The following EPB41L2 variants were observed in gnomAD, a reference collection of about 807,000 sequenced individuals.
EPB41L2 encodes erythrocyte membrane protein band 4.1 like 2, also known as band 4.1-like protein 2.
A neutral mutation model predicts 113.0 loss-of-function variants in EPB41L2; 43 were observed. That is an observed-to-expected ratio of 0.38 (90% CI 0.30 to 0.49). The LOEUF is 0.49. EPB41L2 is among the 20% of genes least tolerant of loss of function. EPB41L2 has a pLI of 0.95. For missense variants in EPB41L2, 1,147 were observed against 1,223.4 expected (o/e 0.94, Z 0.93); for synonymous variants, 442 against 436.7 (o/e 1.01, Z -0.15).
chr6:130,929,536 T>A (rs917380500), intron 3 of EPB41L2, among the ~76,000 whole-genome samples: 3 of 152,156 alleles, frequency 2.0e-5, no homozygotes, highest in Admixed American at 6.6e-5. Context: ...TAGCACTCAA[T>A]CTTTATTGAC....
chr6:130,841,158 A>C (rs965915837), intron 19 of EPB41L2, among the ~76,000 whole-genome samples: 1 of 151,776 alleles, frequency 6.6e-6, no homozygotes, highest in Non-Finnish European at 1.5e-5. Flanking sequence ...GTAGTAAATA[A>C]AGGTACAAAA....
At chr6:131,042,645 TCTAA>T (rs1794675977) in intron 1 of EPB41L2, among the ~76,000 whole-genome samples, 1 of 149,724 alleles carries the variant, frequency 6.7e-6, no homozygotes, top group Non-Finnish European at 1.5e-5. Context: ...TCCTTCTACT[TCTAA>T]CTGTCAAGGA....
chr6:130,958,365 T>C (rs1287896051), intron 1 of EPB41L2, among the ~76,000 whole-genome samples: 2 of 150,116 alleles, frequency 1.3e-5, no homozygotes, highest in Non-Finnish European at 1.5e-5. Context: ...GGCAAGAGAA[T>C]AGCTTGAACT....
chr6:130,865,441 T>C (rs1035164144), intron 17 of EPB41L2, 95 bp downstream of exon 17: 1 of 1,233,410 alleles, frequency 8.1e-7, no homozygotes, highest in African/African-American at 1.5e-5. Flanking sequence ...GTCTGTATCT[T>C]ACTTGGAAGT....
intron 14 of EPB41L2, 108 bp downstream of exon 14, chr6:130,877,996 T>G: frequency 8.8e-7 from 1 of 1,141,756 alleles, no homozygotes; most frequent in Non-Finnish European, 1.2e-6. Context: ...TAAAAATAAT[T>G]AAATGGGAAC....
At position 130,862,283 on chromosome 6, in the gene EPB41L2, C is replaced by T. The variant is rs1782358338; in HGVS notation, c.2910+1355G>A. 2.8e-5 allele frequency among the ~76,000 whole-genome samples: 4 copies of T among 144,946 alleles called. 1 individual carries two copies. In the South Asian group the frequency reaches 8.5e-4, roughly 31 times the overall value. The stretch of plus-strand genomic sequence containing the variant: ...GTGGCATTTTAAAGTGTGTAAAGGG[C>T]CTAGGTTCAATGGGGAGAGGGGGGT... On this transcript the variant is annotated intron_variant, in intron 18 of 19. Coordinates refer to ENST00000337057, the MANE Select transcript of EPB41L2 (RefSeq NM_001431.4).
intron 5 of EPB41L2, among the ~76,000 whole-genome samples, chr6:130,908,358 T>C (rs977943041): frequency 8.5e-5 from 13 of 152,080 alleles, no homozygotes; most frequent in Non-Finnish European, 1.9e-4. Flanking sequence ...ACTGAAAAGA[T>C]TGTTCCCCTT....
intron 1 of EPB41L2, among the ~76,000 whole-genome samples, chr6:130,966,524 TAC>T (rs1775242212): frequency 1.3e-4 from 1 of 7,562 alleles, no homozygotes; most frequent in African/African-American, 2.2e-3. Context: ...TATGCACACA[TAC>T]ACACACACAT....
chr6:130,930,151 T>C, intron 3 of EPB41L2, among the ~76,000 whole-genome samples: 1 of 152,134 alleles, frequency 6.6e-6, no homozygotes, highest in East Asian at 1.9e-4. Flanking sequence ...TGAGGAGTCC[T>C]GCAATGCAAA....
chr6:130,872,347 CAG>C (rs939518405), intron 14 of EPB41L2: 17 of 1,264,634 alleles, frequency 1.3e-5, no homozygotes, highest in African/African-American at 3.1e-5. Flanking sequence ...CTTTTAGTAA[CAG>C]GGGAAACAAA....
In EPB41L2 at chr6:130,892,259, C is replaced by T. The variant is rs530588990; in HGVS notation, c.1488-1793G>A. Among the ~76,000 whole-genome samples, 4 of 152,188 alleles carry T rather than the reference C, an allele frequency of 2.6e-5. No homozygotes were observed. In the South Asian group the frequency reaches 6.2e-4, roughly 24 times the overall value. ...TCTGCTCAGATGCCTGGCTGCTGTG[C>T]TCCTCCACAGGCACCGATCTCTAAG... On this transcript the variant is annotated intron_variant, in intron 10 of 19. Coordinates refer to ENST00000337057, the MANE Select transcript of EPB41L2 (RefSeq NM_001431.4).
intron 1 of EPB41L2, among the ~76,000 whole-genome samples, chr6:130,984,289 T>C (rs756182810): frequency 1.7e-4 from 26 of 152,206 alleles, no homozygotes; most frequent in Non-Finnish European, 3.2e-4. Context: ...GTAGAAGAAG[T>C]ATACCCTAAA....
rs368628577 is a variant in EPB41L2 at position 130,899,623 on chromosome 6, G to A, written c.1149-45C>T. On this transcript the variant is annotated intron_variant, in intron 7 of 19. Transcript: ENST00000337057. ...GTATTATCTTATTAATGGATGCAGA[G>A]CAAATGTAGTCAGAATGGGAGGAGT... is the stretch of plus-strand genomic sequence containing the variant. 220 of 1,546,336 alleles carry A rather than the reference G, an allele frequency of 1.4e-4. 3 individuals are homozygous for A. The Admixed American group carries it at 3.0e-3, about 21-fold the overall frequency.
In EPB41L2 at chr6:130,870,378, G is replaced by A. The variant is rs1176789492; in HGVS notation, c.2044-252C>T. The A allele has an allele frequency of 1.8e-5, 28 of 1,550,434 alleles. No homozygotes were observed. The East Asian group carries it at 2.2e-4, about 12-fold the overall frequency. ...CAAGGCCCTTCTGACTCGGGAGCACGTGTCTGCAGAACAAAAAGCAACCGA... is the reference window on the plus strand; with the variant it reads ...CAAGGCCCTTCTGACTCGGGAGCACATGTCTGCAGAACAAAAAGCAACCGA... On this transcript the variant is annotated intron_variant, in intron 14 of 19. Transcript: ENST00000337057.
At chr6:131,020,834 G>A (rs942087733) in intron 1 of EPB41L2, among the ~76,000 whole-genome samples, 2 of 152,158 alleles carry the variant, frequency 1.3e-5, no homozygotes. Context: ...CTGTCACCCA[G>A]GCTGGAATGC....
intron 3 of EPB41L2, among the ~76,000 whole-genome samples, chr6:130,944,172 T>TACACACACACACACACACACAC (rs869217556): frequency 1.6e-5 from 2 of 125,554 alleles, no homozygotes; most frequent in East Asian, 2.3e-4. Context: ...TACACACACA[T>TACACACACACACACACACACAC]ACACACACAC....
chr6:131,018,478 T>TA (rs1788740154), intron 1 of EPB41L2, among the ~76,000 whole-genome samples: 1 of 152,198 alleles, frequency 6.6e-6, no homozygotes, highest in Admixed American at 6.5e-5. Context: ...AAACATGCCT[T>TA]ACAAATGTAT....
chr6:131,000,156 T>TTA (rs368918603), intron 1 of EPB41L2, among the ~76,000 whole-genome samples: 4,331 of 147,992 alleles, frequency 0.029, 194 homozygotes, highest in African/African-American at 0.099. Context: ...AGTGGCTTTT[T>TTA]AAAAAAAAAA....
chr6:130,931,302 A>T (rs909169415), intron 3 of EPB41L2, among the ~76,000 whole-genome samples: 4 of 152,140 alleles, frequency 2.6e-5, no homozygotes, highest in Non-Finnish European at 4.4e-5. Context: ...AACACGCATT[A>T]TTTTTTTAAA....
Sources: gnomAD v4.1 joint callset for allele counts (sites outside exome capture counted in the v4.1 genomes callset) on GRCh38, gnomAD v4.1.1 for gene constraint, MANE v1.5 for transcripts, NCBI Gene and HGNC (gene_info 2026-07-23, HGNC 2026-07-21) for gene names.